Variants in RALYL observed in about 807,000 individuals in gnomAD.
RALYL encodes RALY RNA binding protein like, also known as RNA-binding Raly-like protein.
In RALYL, 29 loss-of-function variants were observed where a neutral mutation model predicts 35.1. That is an observed-to-expected ratio of 0.83 (90% confidence interval 0.61 to 1.13). The LOEUF is 1.13. Among genes scored for constraint, RALYL ranks in the 50% most tolerant of loss-of-function variants. RALYL has a pLI of 0.00. For synonymous variants in RALYL, 120 were observed against 127.6 expected, an observed-to-expected ratio of 0.94 and a Z score of 0.40; for missense variants, 359 against 360.4, an observed-to-expected ratio of 1.00 and a Z score of 0.03.
At chr8:84,227,683 T>C (rs760383107) in intron 1 of RALYL, among the ~76,000 whole-genome samples, 5 of 152,180 alleles carry the variant, frequency 3.3e-5, no homozygotes, top group Admixed American at 1.3e-4. Context: ...TTTTTCTTTA[T>C]CCACAATCTC....
At chr8:84,330,813 A>G (rs1203755855) in intron 1 of RALYL, among the ~76,000 whole-genome samples, 1 of 152,076 alleles carries the variant, frequency 6.6e-6, no homozygotes. Flanking sequence ...TACAGTGGGT[A>G]ATAATCAAAA....
At chr8:84,251,884 A>G (rs1293747559) in intron 1 of RALYL, among the ~76,000 whole-genome samples, 5 of 151,632 alleles carry the variant, frequency 3.3e-5, no homozygotes, top group Admixed American at 3.3e-4. Flanking sequence ...AAGTTTTAGA[A>G]AGATTTATTT....
intron 4 of RALYL, among the ~76,000 whole-genome samples, chr8:84,820,295 T>C (rs1329715992): frequency 6.6e-6 from 1 of 152,224 alleles, no homozygotes; most frequent in African/African-American, 2.4e-5. Context: ...CTTCATAACA[T>C]GCAAGTCTAA....
intron 2 of RALYL, among the ~76,000 whole-genome samples, chr8:84,630,313 A>G (rs1823644081): frequency 1.3e-5 from 2 of 151,932 alleles, no homozygotes; most frequent in African/African-American, 4.8e-5. Flanking sequence ...TGTAACTGGG[A>G]CCTACTAGTG....
Position 84,233,149 on chromosome 8 carries a change from A to G in RALYL, c.-24+48725A>G, listed in dbSNP as rs548423086. Among the ~76,000 whole-genome samples the G allele has an allele frequency of 1.1e-4, 16 of 148,300 alleles. No individual in the cohort carries two copies. In the East Asian group the frequency reaches 2.5e-3, roughly 23 times the overall value. ...AGATGTGCACCACCACACCCAAATA[A>G]TTTTTATTGTTTTTTTGTAGAGATG... On this transcript the variant is annotated intron_variant, in intron 1 of 8. Coordinates refer to ENST00000521268, the MANE Select transcript of RALYL (RefSeq NM_173848.7).
chr8:84,296,859 C>G (rs959331013), intron 1 of RALYL, among the ~76,000 whole-genome samples: 2 of 151,640 alleles, frequency 1.3e-5, no homozygotes. Flanking sequence ...GAATATTATA[C>G]TTTGATTTGT....
At chr8:84,292,382 AACAGAGTACAC>A (rs1838926621) in intron 1 of RALYL, among the ~76,000 whole-genome samples, 1 of 152,144 alleles carries the variant, frequency 6.6e-6, no homozygotes, top group South Asian at 2.1e-4. Flanking sequence ...TTAGATTATT[AACAGAGTACAC>A]ACAGATCACT....
intron 1 of RALYL, among the ~76,000 whole-genome samples, chr8:84,307,701 AG>A (rs1404296836): frequency 6.6e-6 from 1 of 152,196 alleles, no homozygotes; most frequent in African/African-American, 2.4e-5. Context: ...GGGAAGAAAG[AG>A]GAGCAAGGAC....
intron 4 of RALYL, among the ~76,000 whole-genome samples, chr8:84,835,502 T>TAAA (rs35745516): frequency 1.8e-4 from 17 of 96,314 alleles, no homozygotes; most frequent in East Asian, 5.7e-4. Flanking sequence ...CTGTCTCTAC[T>TAAA]AAAAAAAAAA....
chr8:84,629,094 T>C (rs1823378939), intron 2 of RALYL, among the ~76,000 whole-genome samples: 1 of 152,084 alleles, frequency 6.6e-6, no homozygotes, highest in Admixed American at 6.6e-5. Context: ...AAATCTAGGC[T>C]GTTATTGAAA....
intron 2 of RALYL, among the ~76,000 whole-genome samples, chr8:84,722,058 C>T (rs1009839756): frequency 6.6e-6 from 1 of 152,026 alleles, no homozygotes; most frequent in South Asian, 2.1e-4. Context: ...GAATGCCACA[C>T]ATTAAATTAA....
chr8:84,483,946 A>G (rs1482215854), intron 1 of RALYL, among the ~76,000 whole-genome samples: 1 of 152,164 alleles, frequency 6.6e-6, no homozygotes, highest in Admixed American at 6.6e-5. Context: ...GAATTACATC[A>G]ATTGAGATAT....
intron 8 of RALYL, among the ~76,000 whole-genome samples, chr8:84,903,980 G>A (rs1846094054): frequency 6.6e-6 from 1 of 152,158 alleles, no homozygotes; most frequent in African/African-American, 2.4e-5. Context: ...TAAGGGCTGA[G>A]TAAAAGGAAG....
intron 1 of RALYL, among the ~76,000 whole-genome samples, chr8:84,232,799 T>G (rs571051364): frequency 1.1e-4 from 17 of 152,274 alleles, no homozygotes; most frequent in African/African-American, 4.1e-4. Flanking sequence ...TATATTATAT[T>G]AATATCCTAT....
rs1243397240 is a variant in RALYL at position 84,449,078 on chromosome 8, G to GC, written c.-23-80221_-23-80220insC. Among the ~76,000 whole-genome samples, 220 of 124,272 alleles carry GC rather than the reference G, an allele frequency of 1.8e-3. 1 individual carries two copies. Among genetic ancestry groups the GC allele is most frequent in the South Asian group, 7.2e-3 (26 of 3,624 alleles). The allele number at this position is 124,272 out of a possible 152,430, so 81.5% of individuals were successfully genotyped here. A position where few individuals can be genotyped will look rare whatever the true frequency, so the allele number is the denominator to read the frequency against. ...GGCTTTGTTAGCTGTTAGTTTTTTT[G>GC]TTTTTTTTTTTTTTTTGCTGGTGTG... On this transcript the variant is annotated intron_variant, in intron 1 of 8. Transcript: ENST00000521268.
At chr8:84,636,148 T>C (rs1229556075) in intron 2 of RALYL, among the ~76,000 whole-genome samples, 1 of 151,828 alleles carries the variant, frequency 6.6e-6, no homozygotes, top group East Asian at 1.9e-4. Flanking sequence ...CAGAATTTTC[T>C]AATTACCAGG....
rs572632589 is a variant in RALYL at position 84,519,722 on chromosome 8, G to A, written c.-23-9577G>A. Among the ~76,000 whole-genome samples, 21 of 152,234 alleles carry A rather than the reference G, an allele frequency of 1.4e-4. No homozygotes were observed. In the South Asian group the frequency reaches 2.5e-3, roughly 18 times the overall value. ...AATCTCCTAAATGGAACCCCTTTTA[G>A]CAATGTCTACAACAGGCACTAAAAC... is the stretch of plus-strand genomic sequence containing the variant. On this transcript the variant is annotated intron_variant, in intron 1 of 8. Coordinates refer to ENST00000521268, the MANE Select transcript of RALYL (RefSeq NM_173848.7).
chr8:84,436,559 T>G (rs1587245537), intron 1 of RALYL, among the ~76,000 whole-genome samples: 1 of 148,152 alleles, frequency 6.7e-6, no homozygotes, highest in Non-Finnish European at 1.5e-5. Context: ...TTTTTTTTTT[T>G]TTTTTTTTTT....
chr8:84,868,420 C>T (rs1329721649), intron 6 of RALYL, among the ~76,000 whole-genome samples: 1 of 152,082 alleles, frequency 6.6e-6, no homozygotes, highest in Non-Finnish European at 1.5e-5. Flanking sequence ...TCGTAAACTC[C>T]TGGCTCAAGC....
Sources: allele counts gnomAD v4.1 joint callset (sites outside exome capture counted in the v4.1 genomes callset), GRCh38; gene constraint gnomAD v4.1.1; transcripts MANE v1.5; gene names NCBI Gene and HGNC (gene_info 2026-07-23, HGNC 2026-07-21).